SLC44A5: variants seen among roughly 807,000 people sequenced by gnomAD.
The protein encoded by SLC44A5 is choline transporter-like protein 5.
In SLC44A5, 57 loss-of-function variants were observed where a neutral mutation model predicts 101.8. That is an observed-to-expected ratio of 0.56 (90% CI 0.45 to 0.70). The LOEUF is 0.70. Among genes scored for constraint, SLC44A5 ranks in the 30% least tolerant of loss-of-function variants. The pLI, the probability that SLC44A5 is intolerant of heterozygous loss-of-function variation, is 0.00. For missense variants in SLC44A5, 737 were observed against 853.1 expected, an observed-to-expected ratio of 0.86 and a Z score of 1.70; for synonymous variants, 281 against 290.9, an observed-to-expected ratio of 0.97 and a Z score of 0.35.
the SLC44A5 span, among the ~76,000 whole-genome samples, chr1:75,662,085 G>A: frequency 2.0e-5 from 3 of 151,926 alleles, no homozygotes; most frequent in Non-Finnish European, 4.4e-5. Flanking sequence ...GCCATGATAT[G>A]GAATCAACCT....
intron 2 of SLC44A5, among the ~76,000 whole-genome samples, chr1:75,532,441 G>T (rs1383420824): frequency 5.9e-5 from 9 of 152,152 alleles, no homozygotes; most frequent in Non-Finnish European, 1.2e-4. Flanking sequence ...AACCAGGCAA[G>T]ATGCCTGGCA....
chr1:75,633,039 C>T, the SLC44A5 span, among the ~76,000 whole-genome samples: 1 of 152,152 alleles, frequency 6.6e-6, no homozygotes, highest in East Asian at 1.9e-4. Flanking sequence ...AAAAGCTATA[C>T]ACACACTCTG....
intron 4 of SLC44A5, among the ~76,000 whole-genome samples, chr1:75,313,886 G>C (rs1655499264): frequency 6.6e-6 from 1 of 152,092 alleles, no homozygotes; most frequent in African/African-American, 2.4e-5. Context: ...ACTATTTGTG[G>C]TTATATGGAA....
At chr1:75,656,383 G>C in the SLC44A5 span, among the ~76,000 whole-genome samples, 3 of 152,270 alleles carry the variant, frequency 2.0e-5, no homozygotes, top group African/African-American at 7.2e-5. Context: ...TGTAATTGTG[G>C]TGTATAAAGC....
chr1:75,366,343 T>A (rs565439298), intron 3 of SLC44A5, among the ~76,000 whole-genome samples: 8 of 152,262 alleles, frequency 5.3e-5, no homozygotes, highest in African/African-American at 1.9e-4. Context: ...GAATATATAA[T>A]CCCATACTCT....
chr1:75,206,471 C>T, intron 23 of SLC44A5: 1 of 616,682 alleles, frequency 1.6e-6, no homozygotes. Flanking sequence ...CCTGACACCT[C>T]AGGTAGTACC....
intron 4 of SLC44A5, among the ~76,000 whole-genome samples, chr1:75,301,835 G>A (rs113323390): frequency 1.1e-4 from 17 of 152,042 alleles, no homozygotes; most frequent in Non-Finnish European, 1.8e-4. Flanking sequence ...GATCTCCAAC[G>A]CCAAACCTTT....
At chr1:75,406,974 C>CA (rs1662914978) in intron 2 of SLC44A5, among the ~76,000 whole-genome samples, 1 of 152,042 alleles carries the variant, frequency 6.6e-6, no homozygotes, top group Non-Finnish European at 1.5e-5. Flanking sequence ...CGCCTCAGCC[C>CA]AAAATCTCCT....
chr1:75,424,912 A>G lies in SLC44A5; in HGVS notation c.14-28291T>C, dbSNP rs138727113. On this transcript the variant is annotated intron_variant, in intron 2 of 23. Transcript: ENST00000370859. ...CAAATAACAAAAACATATACAAACA[A>G]TTCATTTGAAAAGTTCAAGCAATTC... Among the ~76,000 whole-genome samples the G allele has an allele frequency of 9.6e-3, 1,455 of 152,342 alleles. 12 individuals carry two copies. The highest frequency in any genetic ancestry group is 0.048 in the Middle Eastern group (14 of 294).
chr1:75,414,936 G>A (rs1218010485), intron 2 of SLC44A5, among the ~76,000 whole-genome samples: 1 of 152,164 alleles, frequency 6.6e-6, no homozygotes, highest in Non-Finnish European at 1.5e-5. Flanking sequence ...CCATTGAAGA[G>A]TTCTAAGCAT....
intron 7 of SLC44A5, among the ~76,000 whole-genome samples, chr1:75,246,921 G>A (rs2100627389): frequency 6.6e-6 from 1 of 152,178 alleles, no homozygotes; most frequent in South Asian, 2.1e-4. Flanking sequence ...AATAGGATAT[G>A]TGGTCAGAGA....
chr1:75,541,453 TA>T lies in SLC44A5; in HGVS notation c.-7del. On this transcript the variant is annotated 5_prime_UTR_variant, in exon 2 of 24. Transcript: ENST00000370859. ...TGATTACCTGTGTCATTCATTGAGA[TA>T]AAAGGCTGTCTCTTCAGAAGTAGGC... 6.2e-7 allele frequency: 1 copy of T among 1,611,566 alleles called. No individual in the cohort carries two copies. The highest frequency in any genetic ancestry group is 8.5e-7 in the Non-Finnish European group (1 of 1,178,334).
chr1:75,642,536 G>A, the SLC44A5 span, among the ~76,000 whole-genome samples: 1 of 152,032 alleles, frequency 6.6e-6, no homozygotes. Flanking sequence ...ATGGTTAAAC[G>A]AATTCCTATT....
At chr1:75,499,190 G>T (rs1420520249) in intron 2 of SLC44A5, among the ~76,000 whole-genome samples, 2 of 152,090 alleles carry the variant, frequency 1.3e-5, no homozygotes, top group Admixed American at 1.3e-4. Context: ...AACCTTTTTG[G>T]CACCGGGGAC....
intron 2 of SLC44A5, among the ~76,000 whole-genome samples, chr1:75,525,554 G>A (rs1670362934): frequency 6.6e-6 from 1 of 151,736 alleles, no homozygotes; most frequent in African/African-American, 2.4e-5. Flanking sequence ...AGAAATAAAG[G>A]GATTTTGAGA....
chr1:75,203,930 T>G, intron 23 of SLC44A5, 97 bp from the exon 24 acceptor site: 1 of 1,278,214 alleles, frequency 7.8e-7, no homozygotes, highest in East Asian at 3.1e-5. Flanking sequence ...CAGTTCAAAA[T>G]CCTTTTGTTG....
At chr1:75,598,243 C>G (rs1368625674) in intron 1 of SLC44A5, among the ~76,000 whole-genome samples, 2 of 151,840 alleles carry the variant, frequency 1.3e-5, no homozygotes, top group Non-Finnish European at 2.9e-5. Context: ...TCACACCAGT[C>G]AGAATGGCTA....
chr1:75,684,048 A>C, the SLC44A5 span, among the ~76,000 whole-genome samples: 1 of 152,300 alleles, frequency 6.6e-6, no homozygotes, highest in Non-Finnish European at 1.5e-5. Context: ...GGAAGACCTC[A>C]CAATTATGGT....
the SLC44A5 span, among the ~76,000 whole-genome samples, chr1:75,718,871 T>C: frequency 2.0e-5 from 3 of 152,258 alleles, no homozygotes; most frequent in Non-Finnish European, 4.4e-5. Context: ...AAGTGTATTT[T>C]TGTAAGCAAA....
Sources: gnomAD v4.1 joint callset for allele counts (sites outside exome capture counted in the v4.1 genomes callset) on GRCh38, gnomAD v4.1.1 for gene constraint, MANE v1.5 for transcripts, NCBI Gene and HGNC (gene_info 2026-07-23, HGNC 2026-07-21) for gene names.